COG5: variants seen among roughly 807,000 people sequenced by gnomAD.
The protein encoded by COG5 is component of oligomeric golgi complex 5, also known as conserved oligomeric Golgi complex subunit 5.
Under a neutral mutation model 110.4 loss-of-function variants are expected in COG5, and 86 were observed. The observed-to-expected ratio is 0.78, with a 90% CI of 0.65 to 0.93. The LOEUF (loss-of-function observed/expected upper bound fraction) is 0.93. Ranked by LOEUF, COG5 falls within the 40% of genes least tolerant of loss-of-function variation. The pLI, the probability that COG5 is intolerant of heterozygous loss-of-function variation, is 0.00. For missense variants in COG5, 1,077 were observed against 987.0 expected (o/e 1.09, Z -1.22); for synonymous variants, 360 against 334.6 (o/e 1.08, Z -0.83).
intron 19 of COG5, among the ~76,000 whole-genome samples, chr7:107,229,675 C>G (rs1266548153): frequency 6.6e-6 from 1 of 152,044 alleles, no homozygotes; most frequent in Non-Finnish European, 1.5e-5. Flanking sequence ...TACTGGTATT[C>G]TGTTAGATCA....
At chr7:107,383,245 C>T (rs1225557390) in intron 7 of COG5, among the ~76,000 whole-genome samples, 1 of 152,088 alleles carries the variant, frequency 6.6e-6, no homozygotes, top group Non-Finnish European at 1.5e-5. Context: ...GATAAGGAGT[C>T]CATGCAACCC....
intron 18 of COG5, among the ~76,000 whole-genome samples, chr7:107,234,738 G>C (rs1402804671): frequency 6.6e-6 from 1 of 151,856 alleles, no homozygotes; most frequent in Non-Finnish European, 1.5e-5. Context: ...AAGGAGGAAA[G>C]GGGAAGAGGA....
At chr7:107,402,733 G>T (rs1295457824) in intron 7 of COG5, among the ~76,000 whole-genome samples, 4 of 152,210 alleles carry the variant, frequency 2.6e-5, no homozygotes, top group Non-Finnish European at 5.9e-5. Context: ...GGCATATCTA[G>T]TCGCATGCTG....
chr7:107,366,429 A>G (rs1387573860), intron 8 of COG5, among the ~76,000 whole-genome samples: 1 of 152,136 alleles, frequency 6.6e-6, no homozygotes, highest in Non-Finnish European at 1.5e-5. Context: ...AAGTTCTTGA[A>G]AAGAACAAAT....
At chr7:107,494,960 A>G (rs984778565) in intron 6 of COG5, among the ~76,000 whole-genome samples, 8 of 152,150 alleles carry the variant, frequency 5.3e-5, no homozygotes, top group Non-Finnish European at 1.0e-4. Flanking sequence ...CACAGGAGCA[A>G]GACCAAATCC....
intron 11 of COG5, among the ~76,000 whole-genome samples, chr7:107,304,024 T>A (rs888078457): frequency 6.6e-6 from 1 of 152,198 alleles, no homozygotes; most frequent in Non-Finnish European, 1.5e-5. Flanking sequence ...TAATTACTAT[T>A]AAAACAATAT....
chr7:107,389,015 T>C (rs998253247), intron 7 of COG5, among the ~76,000 whole-genome samples: 9 of 152,244 alleles, frequency 5.9e-5, no homozygotes, highest in African/African-American at 2.2e-4. Flanking sequence ...TTCCTAGCTA[T>C]GCTTTCTGTT....
intron 5 of COG5, among the ~76,000 whole-genome samples, chr7:107,529,475 G>C (rs1801017963): frequency 6.6e-6 from 1 of 152,158 alleles, no homozygotes; most frequent in African/African-American, 2.4e-5. Context: ...GACACAAAAT[G>C]GTGGAGTATG....
intron 14 of COG5, among the ~76,000 whole-genome samples, chr7:107,260,934 T>C (rs1803285458): frequency 6.6e-6 from 1 of 151,918 alleles, no homozygotes; most frequent in South Asian, 2.1e-4. Flanking sequence ...ACACCACTCT[T>C]GTCATAGTTT....
intron 6 of COG5, among the ~76,000 whole-genome samples, chr7:107,490,999 A>G (rs1195315336): frequency 6.6e-6 from 1 of 152,100 alleles, no homozygotes; most frequent in Non-Finnish European, 1.5e-5. Context: ...AAAGTCATTT[A>G]CCCTCAGTAG....
intron 10 of COG5, among the ~76,000 whole-genome samples, chr7:107,345,979 A>C (rs1390095329): frequency 6.6e-6 from 1 of 152,240 alleles, no homozygotes; most frequent in East Asian, 1.9e-4. Context: ...CAGCTTAAGT[A>C]TAATACTCAT....
At chr7:107,220,928 C>G (rs1364508794) in intron 19 of COG5, among the ~76,000 whole-genome samples, 1 of 151,574 alleles carries the variant, frequency 6.6e-6, no homozygotes, top group East Asian at 2.0e-4. Flanking sequence ...AGCGATTCTC[C>G]TGCCTCAGCT....
chr7:107,549,146 T>G (rs1802691695), intron 3 of COG5: 1 of 152,350 alleles, frequency 6.6e-6, no homozygotes. Context: ...TTTCTGCTGG[T>G]TTTGTGGTGT....
intron 10 of COG5, among the ~76,000 whole-genome samples, chr7:107,326,471 C>G (rs970866428): frequency 1.3e-5 from 2 of 151,920 alleles, no homozygotes; most frequent in Non-Finnish European, 2.9e-5. Context: ...CCTACAAAAT[C>G]AACACATAAA....
intron 5 of COG5, among the ~76,000 whole-genome samples, chr7:107,545,671 T>C (rs978113376): frequency 6.7e-6 from 1 of 149,860 alleles, no homozygotes; most frequent in Non-Finnish European, 1.5e-5. Context: ...TCCCAGCTAC[T>C]CGGGAGGCTG....
rs74522314 is a variant in COG5, at chr7:107,362,380, A to C, written c.876T>G (p.Thr292=). The C allele has an allele frequency of 1.7e-3, 2,802 of 1,613,910 alleles. 38 individuals carry two copies. In the African/African-American group the frequency reaches 0.029, roughly 16 times the overall value. The change falls in exon 9 of 22, where the codon ACT becomes ACG. Residue 292 remains threonine, a synonymous_variant. Transcript: ENST00000297135. The part of the protein sequence containing the change: ...GRSTMPTPGN[T]AALRASFWTN... The stretch of plus-strand genomic sequence containing the variant: ...TCCAGAATGAGGCACGCAAAGCTGC[A>C]GTATTTCCTGGGGTTGGCATGGTAG...
rs576206406 is a variant in COG5 at position 107,243,035 on chromosome 7, A to G, written c.1853+5361T>C. On this transcript the variant is annotated intron_variant, in intron 17 of 21. Transcript: ENST00000297135. ...ATACCAAGCAAACGAAAAACAGAAA[A>G]AAGCAGAGGTTGCAGTCCTAATTTC... 4.5e-4 allele frequency among the ~76,000 whole-genome samples: 69 copies of G among 152,298 alleles called. 1 individual carries two copies. The highest frequency in any genetic ancestry group is 1.0e-3 in the South Asian group (5 of 4,824).
At chr7:107,363,064 A>G (rs1430189256) in intron 8 of COG5, among the ~76,000 whole-genome samples, 3 of 152,176 alleles carry the variant, frequency 2.0e-5, no homozygotes, top group African/African-American at 4.8e-5. Context: ...TAGTTTAGGT[A>G]TATTTTGGAA....
At chr7:107,280,930 T>A (rs1055716722) in intron 14 of COG5, among the ~76,000 whole-genome samples, 1 of 151,956 alleles carries the variant, frequency 6.6e-6, no homozygotes, top group Non-Finnish European at 1.5e-5. Context: ...ATGAATGATA[T>A]ATGGAGTTAG....
Sources: gnomAD v4.1 joint callset for allele counts (sites outside exome capture counted in the v4.1 genomes callset) on GRCh38, gnomAD v4.1.1 for gene constraint, MANE v1.5 for transcripts, NCBI Gene and HGNC (gene_info 2026-07-23, HGNC 2026-07-21) for gene names.